NCAM2: variants seen among roughly 807,000 people sequenced by gnomAD.
NCAM2 encodes N-CAM-2.
In NCAM2, 30 loss-of-function variants were observed where a neutral mutation model predicts 98.1. The observed-to-expected ratio is 0.31, with a 90% CI of 0.23 to 0.41. The LOEUF (loss-of-function observed/expected upper bound fraction) is 0.41, where lower values mean the gene tolerates loss of function less well. NCAM2 is among the 10% of genes least tolerant of loss of function. The probability of loss-of-function intolerance (pLI) is 1.00; values close to 1 mark genes in which losing one functional copy is unlikely to be tolerated. For synonymous variants in NCAM2, 368 were observed against 342.4 expected, an observed-to-expected ratio of 1.07 and a Z score of -0.83; for missense variants, 867 against 1,005.8, an observed-to-expected ratio of 0.86 and a Z score of 1.87.
chr21:21,382,518 T>TTTTTTTTTTTTTTTTTTTTTG (rs2076176996), intron 9 of NCAM2, among the ~76,000 whole-genome samples: 1 of 54,344 alleles, frequency 1.8e-5, no homozygotes. Context: ...ATTTCAGGGA[T>TTTTTTTTTTTTTTTTTTTTTG]TTTTTTTTTT....
intron 1 of NCAM2, among the ~76,000 whole-genome samples, chr21:21,212,742 C>CTTTT (rs34111265): frequency 4.0e-5 from 5 of 124,726 alleles, no homozygotes; most frequent in Non-Finnish European, 6.6e-5. Flanking sequence ...ATTATCTGTG[C>CTTTT]TTTTTTTTTT....
chr21:21,210,481 G>A, intron 1 of NCAM2: 1 of 1,234,714 alleles, frequency 8.1e-7, no homozygotes, highest in Non-Finnish European at 1.1e-6. Flanking sequence ...TCTTCATGAA[G>A]TACAAGTAAT....
At chr21:21,222,769 A>G (rs139683214) in intron 1 of NCAM2, among the ~76,000 whole-genome samples, 23 of 152,278 alleles carry the variant, frequency 1.5e-4, no homozygotes, top group Admixed American at 1.0e-3. Flanking sequence ...ATATTACTAA[A>G]ACTTAGTTGA....
chr21:21,229,939 AT>A (rs2147178804), intron 1 of NCAM2, among the ~76,000 whole-genome samples: 1 of 151,652 alleles, frequency 6.6e-6, no homozygotes, highest in South Asian at 2.1e-4. Context: ...ATCAATAAAA[AT>A]ATCATATAAC....
At chr21:21,145,822 G>C (rs1262447494) in intron 1 of NCAM2, among the ~76,000 whole-genome samples, 1 of 152,108 alleles carries the variant, frequency 6.6e-6, no homozygotes, top group Non-Finnish European at 1.5e-5. Flanking sequence ...GGATTTAATA[G>C]TCTTATAGGG....
intron 15 of NCAM2, among the ~76,000 whole-genome samples, chr21:21,494,294 T>C (rs1191725174): frequency 2.6e-5 from 4 of 151,920 alleles, no homozygotes; most frequent in African/African-American, 4.8e-5. Flanking sequence ...TTTTGTAATA[T>C]AGTCTAGGAA....
At chr21:21,496,778 T>C (rs1217736470) in intron 15 of NCAM2, among the ~76,000 whole-genome samples, 1 of 151,992 alleles carries the variant, frequency 6.6e-6, no homozygotes, top group Non-Finnish European at 1.5e-5. Context: ...CCATCCCGAG[T>C]TAAGTTTTGT....
intron 1 of NCAM2, among the ~76,000 whole-genome samples, chr21:21,107,993 T>G (rs2066383817): frequency 6.6e-6 from 1 of 152,164 alleles, no homozygotes; most frequent in Admixed American, 6.6e-5. Flanking sequence ...GTGTACGTTG[T>G]AGGGATTAGA....
intron 1 of NCAM2, among the ~76,000 whole-genome samples, chr21:21,025,610 T>G (rs979172666): frequency 9.3e-6 from 1 of 107,308 alleles, no homozygotes; most frequent in African/African-American, 3.7e-5. Context: ...TTTTTTTGTG[T>G]CCCAGGAATT....
chr21:21,386,562 A>C (rs975395889), intron 9 of NCAM2, among the ~76,000 whole-genome samples: 1 of 152,198 alleles, frequency 6.6e-6, no homozygotes, highest in African/African-American at 2.4e-5. Context: ...ATTAAAAAAG[A>C]AAGGTGAAGA....
At chr21:21,278,280 A>G (rs2072803900) in intron 1 of NCAM2, among the ~76,000 whole-genome samples, 1 of 152,066 alleles carries the variant, frequency 6.6e-6, no homozygotes, top group Non-Finnish European at 1.5e-5. Flanking sequence ...TGTGGATTCC[A>G]GTAACCCCAT....
intron 1 of NCAM2, among the ~76,000 whole-genome samples, chr21:21,076,972 T>C (rs769930424): frequency 2.6e-5 from 4 of 152,156 alleles, no homozygotes; most frequent in Non-Finnish European, 5.9e-5. Flanking sequence ...GGCTGATTTC[T>C]TTCCATTATC....
intron 1 of NCAM2, among the ~76,000 whole-genome samples, chr21:21,181,282 A>C (rs754046492): frequency 6.6e-6 from 1 of 152,100 alleles, no homozygotes; most frequent in Non-Finnish European, 1.5e-5. Flanking sequence ...GTATATATTT[A>C]ATAGTTTCCT....
chr21:21,094,573 A>G lies in NCAM2; in HGVS notation c.55+95955A>G, dbSNP rs185464250. On this transcript the variant is annotated intron_variant, in intron 1 of 17. Transcript: ENST00000400546. Reference sequence around the variant, plus strand: ...TATTTAGAATTGCATGTGTAATTCAATAAATTGAAATTTTACTGGAGTAAA... The same window carrying G: ...TATTTAGAATTGCATGTGTAATTCAGTAAATTGAAATTTTACTGGAGTAAA... Among the ~76,000 whole-genome samples, 7 of 151,964 alleles carry G rather than the reference A, an allele frequency of 4.6e-5. No individual in the cohort carries two copies. In the East Asian group the frequency reaches 1.2e-3, roughly 25 times the overall value.
intron 1 of NCAM2, among the ~76,000 whole-genome samples, chr21:21,094,608 G>A (rs893176376): frequency 6.6e-6 from 1 of 151,680 alleles, no homozygotes; most frequent in Admixed American, 6.6e-5. Flanking sequence ...AGCATTTAAT[G>A]TGATTTTATG....
intron 1 of NCAM2, among the ~76,000 whole-genome samples, chr21:21,129,504 C>A (rs957488092): frequency 3.3e-5 from 5 of 152,130 alleles, no homozygotes; most frequent in African/African-American, 9.6e-5. Flanking sequence ...ATCAAAAATG[C>A]TGCAAACTGG....
At chr21:21,216,928 T>C (rs2069927026) in intron 1 of NCAM2, among the ~76,000 whole-genome samples, 1 of 152,158 alleles carries the variant, frequency 6.6e-6, no homozygotes, top group African/African-American at 2.4e-5. Flanking sequence ...AGCAGGTAGC[T>C]TGGAAACCTT....
At chr21:21,235,284 A>T (rs917785745) in intron 1 of NCAM2, among the ~76,000 whole-genome samples, 1 of 152,034 alleles carries the variant, frequency 6.6e-6, no homozygotes, top group African/African-American at 2.4e-5. Context: ...TTTATATTAC[A>T]GCTTTTGGCA....
intron 1 of NCAM2, among the ~76,000 whole-genome samples, chr21:21,165,661 A>T (rs1291753089): frequency 6.6e-6 from 1 of 152,198 alleles, no homozygotes; most frequent in African/African-American, 2.4e-5. Flanking sequence ...CCCTTGGCAT[A>T]CACTCTCTTA....
Sources: allele counts gnomAD v4.1 joint callset (sites outside exome capture counted in the v4.1 genomes callset), GRCh38; gene constraint gnomAD v4.1.1; transcripts MANE v1.5; gene names NCBI Gene and HGNC (gene_info 2026-07-23, HGNC 2026-07-21).